SHB: variants seen among roughly 807,000 people sequenced by gnomAD.
SHB encodes the protein SH2 domain containing adaptor protein B, also known as SH2 domain-containing adapter protein B.
Under a neutral mutation model 52.3 loss-of-function variants are expected in SHB, and 20 were observed. The observed-to-expected ratio is 0.38, with a 90% CI of 0.27 to 0.56. The LOEUF is 0.56. SHB is among the 20% of genes least tolerant of loss of function. SHB has a pLI of 0.71. For synonymous variants in SHB, 397 were observed against 316.5 expected, an observed-to-expected ratio of 1.25 and a Z score of -2.70; for missense variants, 825 against 723.3, an observed-to-expected ratio of 1.14 and a Z score of -1.61.
At chr9:37,922,737 C>T (rs1832198259) in intron 5 of SHB, among the ~76,000 whole-genome samples, 1 of 152,148 alleles carries the variant, frequency 6.6e-6, no homozygotes, top group East Asian at 1.9e-4. Context: ...CACATGCTGA[C>T]CCTCCTGGGC....
chr9:38,031,894 C>A (rs1281248107), intron 1 of SHB, among the ~76,000 whole-genome samples: 3 of 152,214 alleles, frequency 2.0e-5, no homozygotes, highest in Non-Finnish European at 4.4e-5. Context: ...AAACTTTGAT[C>A]CACTGCTGAT....
intron 3 of SHB, among the ~76,000 whole-genome samples, chr9:37,966,675 C>T (rs926820465): frequency 8.5e-5 from 13 of 152,200 alleles, no homozygotes; most frequent in African/African-American, 3.1e-4. Context: ...GGACAGGAAG[C>T]ATCATGGGAG....
chr9:37,949,630 G>C lies in SHB; in HGVS notation c.1227-876C>G, dbSNP rs189111323. Among the ~76,000 whole-genome samples the C allele has an allele frequency of 2.0e-5, 3 of 152,114 alleles. No homozygotes were observed. The East Asian group carries it at 5.8e-4, about 30-fold the overall frequency. ...GGGGAAGGGGTGTGCAAGACGTCCCGAAATGGGGCTGCAGCAGGGGCTTTT... is the reference window on the plus strand; with the variant it reads ...GGGGAAGGGGTGTGCAAGACGTCCCCAAATGGGGCTGCAGCAGGGGCTTTT... On this transcript the variant is annotated intron_variant, in intron 4 of 5. Transcript: ENST00000377707.
intron 1 of SHB, among the ~76,000 whole-genome samples, chr9:38,059,668 G>A (rs1423166828): frequency 1.3e-5 from 2 of 152,174 alleles, no homozygotes. Context: ...ATCAAAACAC[G>A]GGAAGAAGCG....
At chr9:38,062,889 C>T (rs1256868694) in intron 1 of SHB, among the ~76,000 whole-genome samples, 2 of 152,204 alleles carry the variant, frequency 1.3e-5, no homozygotes, top group African/African-American at 4.8e-5. Flanking sequence ...GCTACAGTGG[C>T]AGAGCTGAAG....
At chr9:38,060,523 T>C (rs1821879445) in intron 1 of SHB, among the ~76,000 whole-genome samples, 1 of 152,178 alleles carries the variant, frequency 6.6e-6, no homozygotes. Flanking sequence ...TGCCTTGGTT[T>C]CCTCATATGT....
At chr9:38,055,203 C>T (rs550064938) in intron 1 of SHB, among the ~76,000 whole-genome samples, 4 of 152,284 alleles carry the variant, frequency 2.6e-5, no homozygotes, top group East Asian at 3.9e-4. Context: ...CAGTCATGTT[C>T]GGCAGTGTTC....
chr9:37,964,445 C>T (rs1203316588), intron 3 of SHB, among the ~76,000 whole-genome samples: 3 of 152,174 alleles, frequency 2.0e-5, no homozygotes, highest in Admixed American at 6.5e-5. Context: ...AGCAAAGACC[C>T]CACCCTAAGA....
intron 1 of SHB, among the ~76,000 whole-genome samples, chr9:38,046,404 A>AT (rs1821652298): frequency 6.6e-6 from 1 of 152,232 alleles, no homozygotes; most frequent in Admixed American, 6.5e-5. Context: ...TGTTAGACAC[A>AT]TAAGAATTGA....
chr9:38,054,835 A>T (rs1401965118), intron 1 of SHB, among the ~76,000 whole-genome samples: 4 of 151,780 alleles, frequency 2.6e-5, no homozygotes, highest in South Asian at 2.1e-4. Flanking sequence ...CATTTAAAAT[A>T]AAAAAAAAGT....
intron 1 of SHB, among the ~76,000 whole-genome samples, chr9:38,029,931 A>G (rs1821392429): frequency 6.6e-6 from 1 of 152,258 alleles, no homozygotes; most frequent in South Asian, 2.1e-4. Flanking sequence ...GTACACGTGC[A>G]TGCGTGTACA....
intron 1 of SHB, among the ~76,000 whole-genome samples, chr9:38,031,718 C>T (rs1413655738): frequency 1.3e-5 from 2 of 152,232 alleles, no homozygotes; most frequent in Non-Finnish European, 2.9e-5. Context: ...CACTTGACAA[C>T]GGCTGTATGA....
At chr9:38,057,806 T>C (rs552309722) in intron 1 of SHB, among the ~76,000 whole-genome samples, 160 of 152,330 alleles carry the variant, frequency 1.1e-3, no homozygotes, top group African/African-American at 3.7e-3. Flanking sequence ...ATTCTCCCCA[T>C]AGCCCATGTA....
At chr9:37,993,315 C>T (rs1288565975) in intron 2 of SHB, among the ~76,000 whole-genome samples, 1 of 152,080 alleles carries the variant, frequency 6.6e-6, no homozygotes, top group Non-Finnish European at 1.5e-5. Context: ...GGAAGAAAAA[C>T]GAACTGAGCT....
At chr9:38,046,713 G>A (rs1821656902) in intron 1 of SHB, among the ~76,000 whole-genome samples, 1 of 152,242 alleles carries the variant, frequency 6.6e-6, no homozygotes, top group Non-Finnish European at 1.5e-5. Context: ...ATGAGATGTG[G>A]CTTCATTGTA....
rs535431203 is a variant in SHB, at chr9:37,919,384, G to A, written c.*437C>T. ...CGGGACTCTCAAAGCACCAGCATTT[G>A]GCTCCCAGCATCAGTAGGGGGGCTC... On this transcript the variant is annotated 3_prime_UTR_variant, in exon 6 of 6. Coordinates refer to ENST00000377707, the MANE Select transcript of SHB (RefSeq NM_003028.3). 6.2e-6 allele frequency: 1 copy of A among 162,416 alleles called. No homozygotes were observed. Among genetic ancestry groups the A allele is most frequent in the East Asian group, 1.8e-4 (1 of 5,620 alleles). 10.1% of individuals were successfully genotyped at this position (162,416 alleles called of 1,614,324 possible). A position where few individuals can be genotyped will look rare whatever the true frequency, so the allele number is the denominator to read the frequency against.
At position 38,059,721 on chromosome 9, in the gene SHB, G is replaced by A. The variant is rs562884070; in HGVS notation, c.717+8208C>T. On this transcript the variant is annotated intron_variant, in intron 1 of 5. Coordinates refer to ENST00000377707, the MANE Select transcript of SHB (RefSeq NM_003028.3). ...CACCCTTCCTGTAGACTCCAGATTC[G>A]GCCACGCCACCTCCACACCACCCCG... Among the ~76,000 whole-genome samples, 62 of 152,140 alleles carry A rather than the reference G, an allele frequency of 4.1e-4. 1 individual carries two copies. The highest frequency in any genetic ancestry group is 3.3e-3 in the South Asian group (16 of 4,814).
At chr9:37,935,158 C>T (rs549927370) in intron 5 of SHB, among the ~76,000 whole-genome samples, 1 of 152,320 alleles carries the variant, frequency 6.6e-6, no homozygotes, top group South Asian at 2.1e-4. Flanking sequence ...GTCCGGGTCA[C>T]ACCATCTCCT....
chr9:37,969,477 C>A lies in SHB; in HGVS notation c.1054+5145G>T, dbSNP rs185950121. Reference sequence around the variant, plus strand: ...TGCCAGTACTTTCCTGATGTGATACCCATCAAATCTCACCAAGACCCTTCT... The same window carrying A: ...TGCCAGTACTTTCCTGATGTGATACACATCAAATCTCACCAAGACCCTTCT... On this transcript the variant is annotated intron_variant, in intron 3 of 5. Coordinates refer to ENST00000377707, the MANE Select transcript of SHB (RefSeq NM_003028.3). 1.5e-4 allele frequency among the ~76,000 whole-genome samples: 23 copies of A among 152,296 alleles called. 1 individual carries two copies. In the East Asian group the frequency reaches 4.4e-3, roughly 29 times the overall value.
Sources: gnomAD v4.1 joint callset for allele counts (sites outside exome capture counted in the v4.1 genomes callset) on GRCh38, gnomAD v4.1.1 for gene constraint, MANE v1.5 for transcripts, NCBI Gene and HGNC (gene_info 2026-07-23, HGNC 2026-07-21) for gene names.